Variants in SLC36A1 observed in about 807,000 individuals in gnomAD.
SLC36A1 encodes proton-coupled amino acid transporter 1.
A neutral mutation model predicts 47.5 loss-of-function variants in SLC36A1; 30 were observed. The ratio of observed to expected loss-of-function variants is 0.63; its 90% CI spans 0.47 to 0.86. The LOEUF is 0.86. SLC36A1 is among the 40% of genes least tolerant of loss of function. The pLI is 0.00. For synonymous variants in SLC36A1, 255 were observed against 249.7 expected (o/e 1.02, Z -0.20); for missense variants, 517 against 606.0 (o/e 0.85, Z 1.54).
At chr5:151,545,983 T>A in the SLC36A1 span, 2 of 1,614,228 alleles carry the variant, frequency 1.2e-6, no homozygotes, top group Admixed American at 3.3e-5. Context: ...CAATTTCTTC[T>A]GGGTGGAAAT....
intron 2 of SLC36A1, among the ~76,000 whole-genome samples, chr5:151,461,884 A>G (rs925151673): frequency 1.3e-5 from 2 of 151,978 alleles, no homozygotes; most frequent in African/African-American, 4.8e-5. Context: ...AAGTACTTCT[A>G]TGAGTACCAA....
upstream of SLC36A1, among the ~76,000 whole-genome samples, chr5:151,433,254 ATATATATATATATTTTTTTTTTTTTTT>A (rs1234478387): frequency 1.8e-4 from 3 of 16,500 alleles, no homozygotes; most frequent in African/African-American, 6.2e-4. Flanking sequence ...ATATATATAT[ATATATATATATATTTTTTTTTTTTTTT>A]TTTTTTTTTT....
the SLC36A1 span, chr5:151,544,057 G>A: frequency 6.2e-7 from 1 of 1,614,166 alleles, no homozygotes; most frequent in Non-Finnish European, 8.5e-7. Context: ...AGTGAGTGGG[G>A]GATCTCCTTT....
At chr5:151,377,621 A>G in the SLC36A1 span, among the ~76,000 whole-genome samples, 1 of 152,022 alleles carries the variant, frequency 6.6e-6, no homozygotes, top group African/African-American at 2.4e-5. Context: ...TGCTGGGATT[A>G]CAGGCGTGAG....
the SLC36A1 span, chr5:151,347,184 G>T: frequency 1.5e-6 from 2 of 1,324,566 alleles, no homozygotes; most frequent in African/African-American, 1.4e-5. Context: ...TTGCAACCTT[G>T]GTTTCTCATC....
chr5:151,485,838 G>A (rs1412172204), intron 10 of SLC36A1, among the ~76,000 whole-genome samples: 1 of 152,220 alleles, frequency 6.6e-6, no homozygotes, highest in Non-Finnish European at 1.5e-5. Flanking sequence ...CATTGCAGCA[G>A]CCACTAGGCA....
chr5:151,525,541 A>G, the SLC36A1 span, among the ~76,000 whole-genome samples: 2 of 151,482 alleles, frequency 1.3e-5, no homozygotes, highest in African/African-American at 4.9e-5. Flanking sequence ...TAAGCCAGTC[A>G]CTTAAATCCC....
chr5:151,408,385 C>T, the SLC36A1 span, among the ~76,000 whole-genome samples: 475 of 152,054 alleles, frequency 3.1e-3, 2 homozygotes, highest in African/African-American at 0.011. Flanking sequence ...GACAGGGTTT[C>T]ACCATATTAG....
chr5:151,433,244 AT>A (rs1234678778), upstream of SLC36A1, among the ~76,000 whole-genome samples: 6 of 9,904 alleles, frequency 6.1e-4, no homozygotes, highest in East Asian at 0.022. Context: ...ATATATATAT[AT>A]ATATATATAT....
At chr5:151,533,385 T>C in the SLC36A1 span, among the ~76,000 whole-genome samples, 1 of 133,498 alleles carries the variant, frequency 7.5e-6, no homozygotes, top group Non-Finnish European at 1.6e-5. Flanking sequence ...CTTGCACTTG[T>C]TATCTCCAAC....
rs750548309 is a variant in SLC36A1 at position 151,473,702 on chromosome 5, G to A, written c.753G>A (p.Leu251=). The change falls in exon 8 of 11, where the codon TTG becomes TTA. Residue 251 remains leucine, a synonymous_variant. Transcript: ENST00000243389. The part of the protein sequence containing the change: ...QRIPDPSHLP[L]VAPWKTYPLF... ...TCCCAGACCCCAGCCACCTCCCCTT[G>A]GTGGCCCCTTGGAAGACCTACCCTC... 8.1e-6 allele frequency: 13 copies of A among 1,613,774 alleles called. No individual in the cohort carries two copies. The Admixed American group carries it at 1.3e-4, about 17-fold the overall frequency.
intron 1 of SLC36A1, among the ~76,000 whole-genome samples, chr5:151,438,931 A>G (rs2127439109): frequency 6.6e-6 from 1 of 152,278 alleles, no homozygotes; most frequent in East Asian, 1.9e-4. Flanking sequence ...ATAATGTTTT[A>G]TTGGGTATTA....
chr5:151,402,992 G>A, the SLC36A1 span, among the ~76,000 whole-genome samples: 7 of 151,804 alleles, frequency 4.6e-5, no homozygotes, highest in East Asian at 1.9e-4. Flanking sequence ...GGATTTTTGC[G>A]GTCTCAATAT....
the SLC36A1 span, chr5:151,507,705 C>A: frequency 7.3e-5 from 84 of 1,150,846 alleles, no homozygotes; most frequent in Middle Eastern, 5.9e-4. Context: ...CTGCTCCCCC[C>A]AAAACCTACC....
At chr5:151,374,438 G>A in the SLC36A1 span, among the ~76,000 whole-genome samples, 71,913 of 151,966 alleles carry the variant, frequency 0.47, 18,312 homozygotes, top group African/African-American at 0.67. Flanking sequence ...ATGTGTGTGT[G>A]TATATATATA....
intron 10 of SLC36A1, 127 bp from the exon 11 acceptor site, chr5:151,487,855 CA>C: frequency 8.9e-7 from 1 of 1,127,612 alleles, no homozygotes; most frequent in South Asian, 1.6e-5. Context: ...TTGAACTGGA[CA>C]ATGTCTAAGT....
Position 151,479,449 on chromosome 5 carries a change from G to A in SLC36A1, c.1119G>A (p.Val373=), listed in dbSNP as rs1353722815. The change falls in exon 10 of 11, where the codon GTG becomes GTA. Residue 373 remains valine, a synonymous_variant. Coordinates refer to ENST00000243389, the MANE Select transcript of SLC36A1 (RefSeq NM_078483.4). The part of the protein sequence containing the change: ...VSRAPEHCEL[V]VDLFVRTVLV... Reference sequence around the variant, plus strand: ...GAGCGCCCGAGCACTGTGAGTTAGTGGTGGACCTGTTTGTGCGCACAGTGC... The same window carrying A: ...GAGCGCCCGAGCACTGTGAGTTAGTAGTGGACCTGTTTGTGCGCACAGTGC... 1 of 1,614,066 alleles carries A rather than the reference G, an allele frequency of 6.2e-7. No individual in the cohort carries two copies. Among genetic ancestry groups the A allele is most frequent in the South Asian group, 1.1e-5 (1 of 91,080 alleles).
chr5:151,438,069 C>T (rs1759876709), intron 1 of SLC36A1, among the ~76,000 whole-genome samples: 1 of 152,118 alleles, frequency 6.6e-6, no homozygotes, highest in African/African-American at 2.4e-5. Flanking sequence ...AGTCATTTCA[C>T]CTCGAGATCC....
chr5:151,543,549 A>G, the SLC36A1 span: 1 of 1,614,176 alleles, frequency 6.2e-7, no homozygotes, highest in African/African-American at 1.3e-5. Context: ...AGAACTTCTC[A>G]CTTGCTAGTT....
Sources: allele counts gnomAD v4.1 joint callset (sites outside exome capture counted in the v4.1 genomes callset), GRCh38; gene constraint gnomAD v4.1.1; transcripts MANE v1.5; gene names NCBI Gene and HGNC (gene_info 2026-07-23, HGNC 2026-07-21).